The following PSD3 variants were observed in gnomAD, a reference collection of about 807,000 sequenced individuals.
The protein encoded by PSD3 is pleckstrin and Sec7 domain containing 3, also known as PH and SEC7 domain-containing protein 3.
In PSD3, 49 loss-of-function variants were observed where a neutral mutation model predicts 105.5. The observed-to-expected ratio is 0.46, with a 90% confidence interval of 0.37 to 0.59. The LOEUF is 0.59. Ranked by LOEUF, PSD3 falls within the 20% of genes least tolerant of loss-of-function variation. PSD3 has a pLI of 0.00. For missense variants in PSD3, 1,561 were observed against 1,263.8 expected, an observed-to-expected ratio of 1.24 and a Z score of -3.57; for synonymous variants, 557 against 457.8, an observed-to-expected ratio of 1.22 and a Z score of -2.77.
chr8:18,886,355 C>G (rs888598778), intron 2 of PSD3, among the ~76,000 whole-genome samples: 1 of 152,154 alleles, frequency 6.6e-6, no homozygotes, highest in African/African-American at 2.4e-5. Context: ...CAGCCGGCAT[C>G]TCTCTGATGA....
chr8:18,916,365 CACACACACACACA>C (rs1820604641), intron 2 of PSD3, among the ~76,000 whole-genome samples: 1 of 77,482 alleles, frequency 1.3e-5, no homozygotes, highest in South Asian at 4.0e-4. Context: ...CACACACACA[CACACACACACACA>C]AACAGAATAC....
At chr8:18,653,412 G>A (rs1808664393) in intron 10 of PSD3, among the ~76,000 whole-genome samples, 2 of 151,942 alleles carry the variant, frequency 1.3e-5, no homozygotes, top group African/African-American at 4.8e-5. Context: ...ACAGCATCAG[G>A]CATCAATTGA....
At chr8:18,665,234 G>A (rs1799381230) in intron 9 of PSD3, among the ~76,000 whole-genome samples, 1 of 152,210 alleles carries the variant, frequency 6.6e-6, no homozygotes, top group African/African-American at 2.4e-5. Flanking sequence ...CACCATTTTG[G>A]ATGTCTTCAA....
intron 1 of PSD3, among the ~76,000 whole-genome samples, chr8:19,007,128 C>T (rs889538699): frequency 6.6e-6 from 1 of 152,010 alleles, no homozygotes; most frequent in African/African-American, 2.4e-5. Context: ...TTGGTGCACA[C>T]CTGCAGTCCC....
chr8:18,921,428 G>T (rs1331058725), intron 2 of PSD3, among the ~76,000 whole-genome samples: 2 of 152,206 alleles, frequency 1.3e-5, no homozygotes, highest in East Asian at 1.9e-4. Flanking sequence ...CTTGCCCACA[G>T]ATTCTAACTG....
chr8:18,938,891 T>C (rs142412491), intron 1 of PSD3, among the ~76,000 whole-genome samples: 14 of 152,278 alleles, frequency 9.2e-5, no homozygotes, highest in African/African-American at 1.9e-4. Context: ...ACTCGTGGCA[T>C]TGCGGATGAC....
At chr8:18,714,444 A>T (rs187614151) in intron 9 of PSD3, among the ~76,000 whole-genome samples, 12 of 151,810 alleles carry the variant, frequency 7.9e-5, no homozygotes, top group Admixed American at 5.9e-4. Context: ...AAAAAAAACC[A>T]AACAACCCCA....
chr8:18,879,380 T>C (rs1252849632), intron 2 of PSD3, among the ~76,000 whole-genome samples: 3 of 152,180 alleles, frequency 2.0e-5, no homozygotes, highest in East Asian at 3.8e-4. Flanking sequence ...TCGTGGTCTG[T>C]GTTTACTGTT....
At chr8:18,862,737 T>C (rs1421449916) in intron 4 of PSD3, among the ~76,000 whole-genome samples, 1 of 152,008 alleles carries the variant, frequency 6.6e-6, no homozygotes, top group East Asian at 1.9e-4. Context: ...AAACAGTTTT[T>C]CAAATCGCAC....
intron 9 of PSD3, chr8:18,720,920 C>G (rs559355564): frequency 1.1e-4 from 16 of 152,190 alleles, no homozygotes; most frequent in African/African-American, 2.4e-4. Context: ...ACCCCAGGAT[C>G]TGAGGGCAAA....
intron 2 of PSD3, among the ~76,000 whole-genome samples, chr8:18,875,501 C>T (rs1817671477): frequency 6.6e-6 from 1 of 151,472 alleles, no homozygotes; most frequent in Non-Finnish European, 1.5e-5. Context: ...TTAGTATATT[C>T]ACAAAACTGT....
Position 19,012,323 on chromosome 8 carries a change from T to C in PSD3, c.21+1240A>G, listed in dbSNP as rs1361131047. Among the ~76,000 whole-genome samples, 3 of 152,256 alleles carry C rather than the reference T, an allele frequency of 2.0e-5. No homozygotes were observed. The East Asian group carries it at 5.8e-4, about 29-fold the overall frequency. On this transcript the variant is annotated intron_variant, in intron 1 of 15. Coordinates refer to ENST00000327040, the MANE Select transcript of PSD3 (RefSeq NM_015310.4). ...TTTTGCATTTGCTTAACTGGTGATG[T>C]TGAGCATGTTGCACTTTTAACTGCT... is the stretch of plus-strand genomic sequence containing the variant.
At position 18,668,395 on chromosome 8, in the gene PSD3, A is replaced by T. The variant is rs7009402; in HGVS notation, c.2173-12710T>A. Among the ~76,000 whole-genome samples the T allele has an allele frequency of 6.5e-3, 988 of 152,350 alleles. 13 individuals carry two copies. Among genetic ancestry groups the T allele is most frequent in the African/African-American group, 0.022 (923 of 41,582 alleles). On this transcript the variant is annotated intron_variant, in intron 9 of 15. Coordinates refer to ENST00000327040, the MANE Select transcript of PSD3 (RefSeq NM_015310.4). The stretch of plus-strand genomic sequence containing the variant: ...CTGCGATGATGTTCTAGCCATTTCA[A>T]ATAACTGATCTTCCTCTGATAATAA...
chr8:18,769,170 G>A (rs1317233692), intron 8 of PSD3, among the ~76,000 whole-genome samples: 2 of 152,160 alleles, frequency 1.3e-5, no homozygotes, highest in African/African-American at 4.8e-5. Flanking sequence ...ATGTTCTGGG[G>A]AGATGAATAA....
intron 14 of PSD3, among the ~76,000 whole-genome samples, chr8:18,557,104 A>G (rs1183671262): frequency 1.3e-5 from 2 of 152,242 alleles, no homozygotes; most frequent in African/African-American, 4.8e-5. Flanking sequence ...AGGCTACCCA[A>G]AAAGATATGT....
intron 2 of PSD3, among the ~76,000 whole-genome samples, chr8:18,899,666 T>C (rs11997453): frequency 0.013 from 2,044 of 152,186 alleles, 38 homozygotes; most frequent in African/African-American, 0.046. Flanking sequence ...GGTATTGTCC[T>C]ATATCAAAAG....
At chr8:19,038,321 C>G (rs1010819690) in intron 1 of PSD3, among the ~76,000 whole-genome samples, 1 of 152,120 alleles carries the variant, frequency 6.6e-6, no homozygotes, top group Non-Finnish European at 1.5e-5. Context: ...TAAAACTAAC[C>G]ACTTTGCCTG....
chr8:18,651,821 A>G (rs1268544577), intron 10 of PSD3, among the ~76,000 whole-genome samples: 1 of 152,196 alleles, frequency 6.6e-6, no homozygotes, highest in East Asian at 1.9e-4. Flanking sequence ...ACAGGTTCCT[A>G]GCAGAGGTGA....
intron 9 of PSD3, among the ~76,000 whole-genome samples, chr8:18,666,179 T>C (rs1386540276): frequency 2.0e-5 from 3 of 152,160 alleles, no homozygotes; most frequent in Non-Finnish European, 2.9e-5. Context: ...GCCTCCTGAG[T>C]AGCTGGAATT....
Sources: allele counts gnomAD v4.1 joint callset (sites outside exome capture counted in the v4.1 genomes callset), GRCh38; gene constraint gnomAD v4.1.1; transcripts MANE v1.5; gene names NCBI Gene and HGNC (gene_info 2026-07-23, HGNC 2026-07-21).